The following TTLL5 variants were observed in gnomAD, a reference collection of about 807,000 sequenced individuals.
TTLL5 encodes the protein tubulin polyglutamylase TTLL5.
A neutral mutation model predicts 168.4 loss-of-function variants in TTLL5; 132 were observed. The observed-to-expected ratio is 0.78, with a 90% CI of 0.68 to 0.91. The LOEUF (loss-of-function observed/expected upper bound fraction) is 0.91. Among genes scored for constraint, TTLL5 ranks in the 40% least tolerant of loss-of-function variants. The pLI is 0.00. For missense variants in TTLL5, 1,545 were observed against 1,581.5 expected (o/e 0.98, Z 0.39); for synonymous variants, 546 against 558.6 (o/e 0.98, Z 0.32).
intron 30 of TTLL5, among the ~76,000 whole-genome samples, chr14:75,890,704 C>T (rs1375270937): frequency 6.6e-6 from 1 of 152,016 alleles, no homozygotes. Context: ...AACTATTTTT[C>T]TGAAATCTTT....
At chr14:75,863,045 T>C (rs1043669412) in intron 28 of TTLL5, among the ~76,000 whole-genome samples, 1 of 152,208 alleles carries the variant, frequency 6.6e-6, no homozygotes, top group Non-Finnish European at 1.5e-5. Flanking sequence ...CCACCGGCCC[T>C]TCGCCTTCCT....
intron 31 of TTLL5, among the ~76,000 whole-genome samples, chr14:75,931,690 G>C (rs1273921177): frequency 6.6e-6 from 1 of 152,024 alleles, no homozygotes; most frequent in Non-Finnish European, 1.5e-5. Flanking sequence ...GCCAGTCATG[G>C]TTTGCTCATT....
Position 75,771,824 on chromosome 14 carries a change from C to T in TTLL5, c.2106C>T (p.Ala702=). ...ACAGTGGCGGTCAGACGTTCAGTGCCAGTTGGGCTGCCAAAGAGGATGAAC... is the reference window on the plus strand; with the variant it reads ...ACAGTGGCGGTCAGACGTTCAGTGCTAGTTGGGCTGCCAAAGAGGATGAAC... ...MKDSGGQTFS[A]SWAAKEDEQM... The change falls in exon 21 of 32, where the codon GCC becomes GCT. Residue 702 remains alanine (A), a synonymous_variant. Transcript: ENST00000298832. The T allele has an allele frequency of 1.9e-6, 3 of 1,613,938 alleles. No homozygotes were observed. The highest frequency in any genetic ancestry group is 1.3e-5 in the African/African-American group (1 of 75,002).
chr14:75,932,570 A>G (rs1468513325), intron 31 of TTLL5, among the ~76,000 whole-genome samples: 1 of 152,192 alleles, frequency 6.6e-6, no homozygotes, highest in Non-Finnish European at 1.5e-5. Context: ...GTTTTAACCC[A>G]TGACTTCAAG....
At chr14:75,803,458 G>T (rs1893449808) in intron 27 of TTLL5, among the ~76,000 whole-genome samples, 1 of 152,198 alleles carries the variant, frequency 6.6e-6, no homozygotes, top group Non-Finnish European at 1.5e-5. Flanking sequence ...TCCCTGCCAT[G>T]TGAGCAGCGG....
intron 28 of TTLL5, 95 bp from the exon 29 acceptor site, chr14:75,863,572 C>G: frequency 8.2e-7 from 1 of 1,226,506 alleles, no homozygotes; most frequent in Admixed American, 2.4e-5. Context: ...GTGCTTGGTT[C>G]CATATTGGAA....
chr14:75,822,574 G>T (rs1185087878), intron 28 of TTLL5, among the ~76,000 whole-genome samples: 1 of 152,164 alleles, frequency 6.6e-6, no homozygotes, highest in Non-Finnish European at 1.5e-5. Context: ...TTTCATCTCT[G>T]CATGTCAGAG....
At chr14:75,854,821 T>G (rs1897048693) in intron 28 of TTLL5, among the ~76,000 whole-genome samples, 1 of 152,232 alleles carries the variant, frequency 6.6e-6, no homozygotes, top group Non-Finnish European at 1.5e-5. Flanking sequence ...TCCAATCTTT[T>G]ACATGTTCTT....
chr14:75,858,884 C>T (rs1897268904), intron 28 of TTLL5, among the ~76,000 whole-genome samples: 1 of 152,216 alleles, frequency 6.6e-6, no homozygotes, highest in Non-Finnish European at 1.5e-5. Flanking sequence ...AAGCAGCACA[C>T]ATTTTCTTAA....
At chr14:75,726,031 G>A (rs1187424560) in intron 12 of TTLL5, among the ~76,000 whole-genome samples, 1 of 152,202 alleles carries the variant, frequency 6.6e-6, no homozygotes, top group Non-Finnish European at 1.5e-5. Context: ...TTCAGTGACA[G>A]TGAGTTCTGG....
At chr14:75,928,105 T>C (rs2034136934) in intron 31 of TTLL5, among the ~76,000 whole-genome samples, 1 of 151,882 alleles carries the variant, frequency 6.6e-6, no homozygotes, top group Admixed American at 6.6e-5. Flanking sequence ...CCAGAGATTG[T>C]CTGTAGGCGA....
At chr14:75,828,254 T>G (rs917705369) in intron 28 of TTLL5, among the ~76,000 whole-genome samples, 3 of 152,142 alleles carry the variant, frequency 2.0e-5, no homozygotes, top group African/African-American at 7.2e-5. Flanking sequence ...TCGAATCTAC[T>G]TATATGTGGC....
intron 28 of TTLL5, among the ~76,000 whole-genome samples, chr14:75,825,249 G>A (rs2140425093): frequency 6.6e-6 from 1 of 152,212 alleles, no homozygotes; most frequent in Non-Finnish European, 1.5e-5. Flanking sequence ...AACTTGCTTG[G>A]GATATGGTAT....
At chr14:75,680,556 T>A (rs1357356782) in intron 3 of TTLL5, among the ~76,000 whole-genome samples, 1 of 151,790 alleles carries the variant, frequency 6.6e-6, no homozygotes, top group African/African-American at 2.4e-5. Flanking sequence ...TTCTAACCTC[T>A]GGTCTAAGAT....
chr14:75,675,649 G>A (rs930294703), intron 3 of TTLL5, among the ~76,000 whole-genome samples: 3 of 152,222 alleles, frequency 2.0e-5, no homozygotes, highest in African/African-American at 7.2e-5. Context: ...GAAAACATGG[G>A]ATGAGGTGGT....
At chr14:75,863,993 C>T in intron 29 of TTLL5, 131 bp downstream of exon 29, 1 of 958,980 alleles carries the variant, frequency 1.0e-6, no homozygotes. Context: ...CTGGCTTGGA[C>T]AGCTCATGGG....
At chr14:75,790,153 A>G (rs12587960) in intron 26 of TTLL5, among the ~76,000 whole-genome samples, 1 of 152,242 alleles carries the variant, frequency 6.6e-6, no homozygotes, top group Non-Finnish European at 1.5e-5. Context: ...ACAGAGAAAG[A>G]TGAAATTAGA....
chr14:75,911,207 A>G (rs909051213), intron 31 of TTLL5, among the ~76,000 whole-genome samples: 1 of 151,278 alleles, frequency 6.6e-6, no homozygotes, highest in Non-Finnish European at 1.5e-5. Context: ...TTTTTTTTTA[A>G]TTTTTAGTAG....
chr14:75,919,692 A>G (rs2033755217), intron 31 of TTLL5, among the ~76,000 whole-genome samples: 1 of 152,256 alleles, frequency 6.6e-6, no homozygotes, highest in East Asian at 1.9e-4. Context: ...ATACATAGGA[A>G]TAAATCTTCA....
Sources: allele counts gnomAD v4.1 joint callset (sites outside exome capture counted in the v4.1 genomes callset), GRCh38; gene constraint gnomAD v4.1.1; transcripts MANE v1.5; gene names NCBI Gene and HGNC (gene_info 2026-07-23, HGNC 2026-07-21).